CNTROB: variants seen among roughly 807,000 people sequenced by gnomAD.
CNTROB encodes centrobin, centriole duplication and spindle assembly protein.
A neutral mutation model predicts 115.7 loss-of-function variants in CNTROB; 82 were observed. The observed-to-expected ratio is 0.71, with a 90% CI of 0.59 to 0.85. CNTROB has a LOEUF of 0.85. Among genes scored for constraint, CNTROB ranks in the 40% least tolerant of loss-of-function variants. CNTROB has a pLI of 0.00. For synonymous variants in CNTROB, 439 were observed against 456.4 expected, an observed-to-expected ratio of 0.96 and a Z score of 0.49; for missense variants, 1,014 against 1,144.4, an observed-to-expected ratio of 0.89 and a Z score of 1.64.
At chr17:7,941,291 G>A (rs1034297084) in intron 9 of CNTROB, among the ~76,000 whole-genome samples, 5 of 152,096 alleles carry the variant, frequency 3.3e-5, no homozygotes, top group Non-Finnish European at 5.9e-5. Context: ...TACCAGTGAG[G>A]CCAGCATTTG....
rs756011585 is a variant in CNTROB at position 7,940,123 on chromosome 17, G to A, written c.1192G>A (p.Ala398Thr). ...KEKSQREAQA[A>T]WETQHQLALV... Reference sequence around the variant, plus strand: ...GAAGAGCCAGAGGGAAGCCCAGGCCGCCTGGGAGACCCAGCACCAGTTGGC... The same window carrying A: ...GAAGAGCCAGAGGGAAGCCCAGGCCACCTGGGAGACCCAGCACCAGTTGGC... Residue 398 changes from alanine to threonine, a missense_variant, in exon 9 of 19, where the codon GCC becomes ACC. By Grantham distance (58) the Ala-to-Thr change is moderately conservative. Transcript: ENST00000563694. The A allele has an allele frequency of 1.6e-5, 25 of 1,608,600 alleles. No individual in the cohort carries two copies. The highest frequency in any genetic ancestry group is 2.2e-5 in the East Asian group (1 of 44,580).
At chr17:7,942,211 G>A (rs1973958540) in intron 9 of CNTROB, among the ~76,000 whole-genome samples, 1 of 152,142 alleles carries the variant, frequency 6.6e-6, no homozygotes, top group Non-Finnish European at 1.5e-5. Flanking sequence ...AGACTGCAGT[G>A]AGCCATGATC....
intron 6 of CNTROB, 101 bp downstream of exon 6, chr17:7,936,918 C>A: frequency 1.3e-6 from 1 of 776,100 alleles, no homozygotes; most frequent in Non-Finnish European, 2.3e-6. Flanking sequence ...ACAGATTGAC[C>A]TCAGTCTTGT....
chr17:7,941,960 T>G (rs1254294735), intron 9 of CNTROB, among the ~76,000 whole-genome samples: 1 of 83,410 alleles, frequency 1.2e-5, no homozygotes, highest in Non-Finnish European at 2.2e-5. Flanking sequence ...CGAGACCGAG[T>G]CTCAAAAAAA....
In CNTROB at chr17:7,943,861, G is replaced by A. The variant is rs7207775; in HGVS notation, c.1446-262G>A. On this transcript the variant is annotated intron_variant, in intron 10 of 18. Transcript: ENST00000563694. This position sits in a 1 kb window ranked among gnomAD's most constrained non-coding sequence, Gnocchi z 4.7. Reference sequence around the variant, plus strand: ...CTGCTCTGTCGGACTGAGCCTCCTCGCAGCCTGGCCTCACTTCTCCTCACA... The same window carrying A: ...CTGCTCTGTCGGACTGAGCCTCCTCACAGCCTGGCCTCACTTCTCCTCACA... Among the ~76,000 whole-genome samples the A allele has an allele frequency of 0.48, 72,702 of 151,938 alleles. 17,967 individuals carry two copies. The highest frequency in any genetic ancestry group is 0.76 in the East Asian group (3,926 of 5,166).
Position 7,949,449 on chromosome 17 carries a change from G to A in CNTROB, c.2651G>A (p.Arg884Gln), listed in dbSNP as rs371383062. Reference sequence around the variant, plus strand: ...CCCAAGACTGAAAAACCTCCCGCACGGAAGAAAAGTGGGCACCCTGCCCCG... The same window carrying A: ...CCCAAGACTGAAAAACCTCCCGCACAGAAGAAAAGTGGGCACCCTGCCCCG... ...TAPKTEKPPA[R>Q]KKSGHPAPSS... The change falls in exon 19 of 19, where the codon CGG becomes CAG. Residue 884 changes from arginine (R) to glutamine (Q), a missense_variant. Transcript: ENST00000563694. The A allele has an allele frequency of 2.2e-5, 35 of 1,614,102 alleles. No individual in the cohort carries two copies. Among genetic ancestry groups the A allele is most frequent in the Admixed American group, 6.7e-5 (4 of 60,012 alleles).
In CNTROB at chr17:7,932,661, TG is replaced by T. The variant is rs1972649813; in HGVS notation, c.-416del. On this transcript the variant is annotated 5_prime_UTR_variant, in exon 1 of 19. Transcript: ENST00000563694. The stretch of plus-strand genomic sequence containing the variant: ...ACAGAAATTGGGCTCCTAGTGGATT[TG>T]GGTCCGTTTCCGTTGGGACGTTTTG... 1.7e-5 allele frequency: 3 copies of T among 175,016 alleles called. No homozygotes were observed. The East Asian group carries it at 5.3e-4, about 31-fold the overall frequency. The allele number at this position is 175,016 out of a possible 1,614,324, so 10.8% of individuals were successfully genotyped here. A position where few individuals can be genotyped will look rare whatever the true frequency, so the allele number is the denominator to read the frequency against.
chr17:7,941,143 G>A (rs1452667770), intron 9 of CNTROB, among the ~76,000 whole-genome samples: 2 of 152,150 alleles, frequency 1.3e-5, no homozygotes, highest in African/African-American at 2.4e-5. Context: ...GGGCACTTAC[G>A]TCTACTTCTA....
chr17:7,934,301 C>T, intron 2 of CNTROB, 79 bp downstream of exon 2: 8 of 1,442,022 alleles, frequency 5.5e-6, no homozygotes, highest in Admixed American at 1.7e-5. Flanking sequence ...AGGAAGCAGG[C>T]AGGAAAACCT....
chr17:7,934,430 G>T lies in CNTROB; in HGVS notation c.356-35G>T, dbSNP rs781549121. 8 of 1,603,558 alleles carry T rather than the reference G, an allele frequency of 5.0e-6. No homozygotes were observed. In the South Asian group the frequency reaches 7.7e-5, roughly 15 times the overall value. ...GTGGCCCCTGTTTTTGTCATTACCT[G>T]ACTCTGGCTTTGGGGTCCCTCTGGC... On this transcript the variant is annotated intron_variant, in intron 2 of 18. Coordinates refer to ENST00000563694, the MANE Select transcript of CNTROB (RefSeq NM_053051.5).
intron 1 of CNTROB, among the ~76,000 whole-genome samples, chr17:7,933,641 G>A (rs1972792855): frequency 6.6e-6 from 1 of 152,194 alleles, no homozygotes; most frequent in African/African-American, 2.4e-5. Context: ...CACTGGGAAT[G>A]GGTAAGGTTT....
At position 7,936,501 on chromosome 17, in the gene CNTROB, G is replaced by C. The variant is rs137936354; in HGVS notation, c.711+19G>C. 4,939 of 970,310 alleles carry C rather than the reference G, an allele frequency of 5.1e-3. 20 individuals carry two copies. Among genetic ancestry groups the C allele is most frequent in the Non-Finnish European group, 7.5e-3 (4,461 of 591,654 alleles). The allele number at this position is 970,310 out of a possible 1,614,324, so 60.1% of individuals were successfully genotyped here. A position where few individuals can be genotyped will look rare whatever the true frequency, so the allele number is the denominator to read the frequency against. ...GGACAAGGTACCAGGGTAGCAAAATGTGGGTGGGTCTCTCCATGAAGAGCA... is the reference window on the plus strand; with the variant it reads ...GGACAAGGTACCAGGGTAGCAAAATCTGGGTGGGTCTCTCCATGAAGAGCA... On this transcript the variant is annotated intron_variant, in intron 5 of 18. Coordinates refer to ENST00000563694, the MANE Select transcript of CNTROB (RefSeq NM_053051.5).
chr17:7,945,151 T>C (rs1336500978), intron 12 of CNTROB, among the ~76,000 whole-genome samples: 1 of 151,808 alleles, frequency 6.6e-6, no homozygotes, highest in Non-Finnish European at 1.5e-5. Flanking sequence ...TGCCCCAGAG[T>C]AGAGTAGGGA....
At chr17:7,933,807 T>C (rs1972816952) in intron 1 of CNTROB, among the ~76,000 whole-genome samples, 1 of 152,232 alleles carries the variant, frequency 6.6e-6, no homozygotes, top group African/African-American at 2.4e-5. Context: ...TTATTAGTAT[T>C]GTATAGAAAA....
chr17:7,949,448 CG>C lies in CNTROB; in HGVS notation c.2652del (p.Lys885ArgfsTer11). 1 of 1,614,114 alleles carries C rather than the reference CG, an allele frequency of 6.2e-7. No individual in the cohort carries two copies. Among genetic ancestry groups the C allele is most frequent in the Non-Finnish European group, 8.5e-7 (1 of 1,180,022 alleles). On this transcript the variant is annotated frameshift_variant, in exon 19 of 19. Transcript: ENST00000563694. LOFTEE classifies it high-confidence loss of function. ...TAPKTEKPPARKKSGHPAPSS... is the reference protein window; with the variant it reads ...TAPKTEKPPAXKKSGHPAPSS... ...CCCCAAGACTGAAAAACCTCCCGCA[CG>C]GAAGAAAAGTGGGCACCCTGCCCCG...
intron 9 of CNTROB, among the ~76,000 whole-genome samples, chr17:7,941,598 CAA>C (rs34778352): frequency 1.4e-4 from 11 of 79,958 alleles, no homozygotes; most frequent in Admixed American, 2.8e-4. Flanking sequence ...GACTCCATCT[CAA>C]AAAAAAAAAA....
In CNTROB at chr17:7,948,407, C is replaced by G. The variant is rs1974814061; in HGVS notation, c.2380+80C>G. Reference sequence around the variant, plus strand: ...TCCAGTACAGGCACTTACAGTCCTTCTGAATTCCTGGGGAAATGGGCTGAG... The same window carrying G: ...TCCAGTACAGGCACTTACAGTCCTTGTGAATTCCTGGGGAAATGGGCTGAG... On this transcript the variant is annotated intron_variant, in intron 16 of 18. Coordinates refer to ENST00000563694, the MANE Select transcript of CNTROB (RefSeq NM_053051.5). The surrounding 1 kb of genome is among the most constrained non-coding windows in gnomAD (Gnocchi z 4.4). 1 of 1,608,322 alleles carries G rather than the reference C, an allele frequency of 6.2e-7. No homozygotes were observed. Among genetic ancestry groups the G allele is most frequent in the African/African-American group, 1.3e-5 (1 of 74,702 alleles).
chr17:7,946,006 A>G lies in CNTROB; in HGVS notation c.1993+20A>G. On this transcript the variant is annotated intron_variant, in intron 13 of 18. Coordinates refer to ENST00000563694, the MANE Select transcript of CNTROB (RefSeq NM_053051.5). ...CCACAGGTAACTGGGGGCAGAAGTC[A>G]CTGGGGTTCCCCTTCTGTGCATGAA... The G allele has an allele frequency of 6.2e-7, 1 of 1,610,994 alleles. No individual in the cohort carries two copies. Among genetic ancestry groups the G allele is most frequent in the East Asian group, 2.2e-5 (1 of 44,858 alleles).
At position 7,940,199 on chromosome 17, in the gene CNTROB, G is replaced by GGA. The variant is rs767416849; in HGVS notation, c.1279_1280dup (p.Asp427GlufsTer8). On this transcript the variant is annotated frameshift_variant, in exon 9 of 19. Coordinates refer to ENST00000563694, the MANE Select transcript of CNTROB (RefSeq NM_053051.5). LOFTEE classifies it high-confidence loss of function. ...CTGGAAGGAGAGCTGGATACAGCTC[G>GGA]GAGAGAGAGAGATGCCCTGCAGCTG... 1.4e-5 allele frequency: 22 copies of GGA among 1,611,580 alleles called. No individual in the cohort carries two copies. Among genetic ancestry groups the GGA allele is most frequent in the African/African-American group, 2.7e-5 (2 of 74,822 alleles).
Sources: gnomAD v4.1 joint callset for allele counts (sites outside exome capture counted in the v4.1 genomes callset) on GRCh38, gnomAD v4.1.1 for gene constraint, Gnocchi (gnomAD v3.1) non-coding constraint, MANE v1.5 for transcripts, NCBI Gene and HGNC (gene_info 2026-07-23, HGNC 2026-07-21) for gene names.